FBXL13: variants seen among roughly 807,000 people sequenced by gnomAD.
The protein encoded by FBXL13 is F-box and leucine rich repeat protein 13, also known as F-box and leucine-rich repeat protein 13.
A neutral mutation model predicts 83.6 loss-of-function variants in FBXL13; 67 were observed. The ratio of observed to expected loss-of-function variants is 0.80; its 90% CI spans 0.66 to 0.98. The LOEUF (loss-of-function observed/expected upper bound fraction) is 0.98, where lower values mean the gene tolerates loss of function less well. Ranked by LOEUF, FBXL13 falls within the 50% of genes least tolerant of loss-of-function variation. The pLI, the probability that FBXL13 is intolerant of heterozygous loss-of-function variation, is 0.00. For synonymous variants in FBXL13, 272 were observed against 299.5 expected (o/e 0.91, Z 0.95); for missense variants, 822 against 866.5 (o/e 0.95, Z 0.64).
chr7:102,812,155 G>A (rs866440857), downstream of FBXL13, among the ~76,000 whole-genome samples: 44 of 152,296 alleles, frequency 2.9e-4, no homozygotes, highest in Non-Finnish European at 4.9e-4. Flanking sequence ...TCAGAACAGA[G>A]TTGTGTTTTC....
At chr7:103,022,755 T>C (rs1208897259) in intron 6 of FBXL13, among the ~76,000 whole-genome samples, 1 of 152,186 alleles carries the variant, frequency 6.6e-6, no homozygotes, top group Non-Finnish European at 1.5e-5. Context: ...ATTCTGGGCA[T>C]AGAACTTGGC....
chr7:103,025,909 A>AGT (rs1793848862), intron 5 of FBXL13, among the ~76,000 whole-genome samples: 1 of 151,876 alleles, frequency 6.6e-6, no homozygotes, highest in Non-Finnish European at 1.5e-5. Context: ...ACTCCATTTA[A>AGT]GTGAATGTAG....
intron 16 of FBXL13, among the ~76,000 whole-genome samples, chr7:102,869,763 C>T (rs995461481): frequency 2.0e-5 from 3 of 152,036 alleles, no homozygotes; most frequent in Non-Finnish European, 2.9e-5. Flanking sequence ...TTCTTGGTGC[C>T]TTTTTCAAAA....
At chr7:103,061,983 GAAACATA>G (rs1797958033) in intron 1 of FBXL13, among the ~76,000 whole-genome samples, 1 of 21,060 alleles carries the variant, frequency 4.7e-5, no homozygotes, top group African/African-American at 1.6e-4. Context: ...AATCTTGAAA[GAAACATA>G]AAACATAAAA....
exon 4 of FBXL13, chr7:103,028,681 T>A (rs1264336963): frequency 6.2e-7 from 1 of 1,603,682 alleles, no homozygotes; most frequent in East Asian, 2.3e-5. Flanking sequence ...TTGTAGCATG[T>A]CACTGCTCTG....
intron 2 of FBXL13, among the ~76,000 whole-genome samples, 174 bp from the exon 4 acceptor site, chr7:103,029,592 T>C (rs1172453873): frequency 6.6e-6 from 1 of 152,154 alleles, no homozygotes; most frequent in Non-Finnish European, 1.5e-5. Flanking sequence ...TTTTGGAATT[T>C]TGTGTATGTC....
intron 6 of FBXL13, among the ~76,000 whole-genome samples, chr7:102,989,679 G>A (rs1311111140): frequency 6.6e-6 from 1 of 152,232 alleles, no homozygotes; most frequent in African/African-American, 2.4e-5. Context: ...AGGGATGAAA[G>A]AATGAAGTAG....
exon 15 of FBXL13, chr7:102,878,420 A>G: frequency 6.2e-7 from 1 of 1,607,686 alleles, no homozygotes; most frequent in South Asian, 1.1e-5. Context: ...CAGGACCATC[A>G]AGAAATTGCT....
intron 1 of FBXL13, among the ~76,000 whole-genome samples, chr7:103,072,669 G>A (rs1345631740): frequency 1.3e-5 from 2 of 152,148 alleles, no homozygotes; most frequent in Non-Finnish European, 2.9e-5. Flanking sequence ...ACCCTGAATT[G>A]TAAATATAAA....
At chr7:102,906,942 TTTGA>T (rs964833526) in intron 11 of FBXL13, among the ~76,000 whole-genome samples, 4 of 151,992 alleles carry the variant, frequency 2.6e-5, no homozygotes, top group African/African-American at 7.2e-5. Flanking sequence ...TGTTTGTTTG[TTTGA>T]TTGGGTTTTT....
intron 10 of FBXL13, among the ~76,000 whole-genome samples, chr7:102,925,318 C>A (rs1426811943): frequency 6.6e-6 from 1 of 152,100 alleles, no homozygotes; most frequent in East Asian, 1.9e-4. Flanking sequence ...TTGTTTGAAG[C>A]CAGGAGATTG....
rs184156742 is a variant in FBXL13 at position 103,017,659 on chromosome 7, G to A, written c.495+7404C>T. On this transcript the variant is annotated intron_variant, in intron 6 of 19. Transcript: ENST00000313221. Reference sequence around the variant, plus strand: ...CTGATGGAGCTTAAAACCATGACACGAGAAATATGTGACACATGCATAAGC... The same window carrying A: ...CTGATGGAGCTTAAAACCATGACACAAGAAATATGTGACACATGCATAAGC... Among the ~76,000 whole-genome samples the A allele has an allele frequency of 4.4e-3, 676 of 152,236 alleles. 6 individuals are homozygous for A. The highest frequency in any genetic ancestry group is 0.016 in the African/African-American group (646 of 41,538).
At chr7:102,899,790 G>A (rs1812736750) in intron 11 of FBXL13, among the ~76,000 whole-genome samples, 1 of 152,112 alleles carries the variant, frequency 6.6e-6, no homozygotes, top group African/African-American at 2.4e-5. Context: ...AATCCCCAAA[G>A]AGGCTGGGCA....
intron 8 of FBXL13, among the ~76,000 whole-genome samples, chr7:102,957,688 G>GA (rs1312049338): frequency 6.6e-6 from 1 of 150,830 alleles, no homozygotes; most frequent in Non-Finnish European, 1.5e-5. Context: ...AAATTTACAA[G>GA]AAAAAAAACA....
In FBXL13 at chr7:102,994,356, T is replaced by G. The variant is rs532761421; in HGVS notation, c.496-26239A>C. ...ACAGGACAACTAAACAGATGTATAATATTCTTAATTATTGCTTTTTGTCTC... is the reference window on the plus strand; with the variant it reads ...ACAGGACAACTAAACAGATGTATAAGATTCTTAATTATTGCTTTTTGTCTC... On this transcript the variant is annotated intron_variant, in intron 6 of 19. Transcript: ENST00000313221. Among the ~76,000 whole-genome samples the G allele has an allele frequency of 5.9e-5, 9 of 152,054 alleles. 1 individual carries two copies. The highest frequency in any genetic ancestry group is 2.0e-4 in the Admixed American group (3 of 15,274).
intron 7 of FBXL13, among the ~76,000 whole-genome samples, chr7:102,964,407 T>A (rs868233822): frequency 0.093 from 12,788 of 137,688 alleles, 898 homozygotes; most frequent in African/African-American, 0.19. Context: ...TATATATATT[T>A]TTTTTTTTTT....
rs374399482 is a variant in FBXL13, at chr7:103,028,779, A to G, written c.69-31T>C. 4.6e-6 allele frequency: 7 copies of G among 1,506,350 alleles called. No individual in the cohort carries two copies. The African/African-American group carries it at 5.7e-5, about 12-fold the overall frequency. 93.3% of individuals were successfully genotyped at this position (1,506,350 alleles called of 1,614,324 possible). On this transcript the variant is annotated intron_variant, in intron 3 of 19. Transcript: ENST00000313221. ...GGCAGAAGACATTTTTTAAAAAATA[A>G]TATTTTGATATTAGGGCAATATATC...
At chr7:103,063,399 T>C (rs1488183740) in intron 1 of FBXL13, among the ~76,000 whole-genome samples, 3 of 152,210 alleles carry the variant, frequency 2.0e-5, no homozygotes, top group African/African-American at 7.2e-5. Flanking sequence ...AGGATGTGTA[T>C]AGGTTATATA....
intron 2 of FBXL13, among the ~76,000 whole-genome samples, chr7:103,040,366 C>G: frequency 6.6e-6 from 1 of 151,916 alleles, no homozygotes; most frequent in Admixed American, 6.6e-5. Flanking sequence ...ACTCCCACAC[C>G]ATAATAATGG....
Sources: allele counts gnomAD v4.1 joint callset (sites outside exome capture counted in the v4.1 genomes callset), GRCh38; gene constraint gnomAD v4.1.1; transcripts MANE v1.5; gene names NCBI Gene and HGNC (gene_info 2026-07-23, HGNC 2026-07-21).